CIMIP2A: variants seen among roughly 807,000 people sequenced by gnomAD.
CIMIP2A encodes the protein family with sequence similarity 166 member A.
chr9:137,244,957 C>G, the CIMIP2A span: 31 of 1,602,662 alleles, frequency 1.9e-5, 1 homozygote, highest in African/African-American at 4.0e-4. Context: ...CAGAGGAGGT[C>G]CCCCCAGGCC....
At chr9:137,247,766 C>T in the CIMIP2A span, 2 of 1,581,408 alleles carry the variant, frequency 1.3e-6, no homozygotes, top group East Asian at 4.5e-5. Context: ...GCATCCAGCT[C>T]CCTTCCCTGA....
the CIMIP2A span, chr9:137,244,463 C>A: frequency 1.3e-5 from 19 of 1,501,412 alleles, no homozygotes; most frequent in African/African-American, 1.5e-4. Context: ...GGGATCCAAG[C>A]AAGACTCAGG....
chr9:137,252,362 G>A, the CIMIP2A span: 12 of 1,481,320 alleles, frequency 8.1e-6, no homozygotes, highest in African/African-American at 2.8e-5. Context: ...GGTGGGAACC[G>A]GGAGACAGGT....
At chr9:137,244,298 CAG>C in the CIMIP2A span, 1 of 1,613,410 alleles carries the variant, frequency 6.2e-7, no homozygotes, top group African/African-American at 1.3e-5. Context: ...ACTGGGGAGA[CAG>C]GAAGGTGCTA....
At chr9:137,254,009 G>T in the CIMIP2A span, among the ~76,000 whole-genome samples, 1 of 150,792 alleles carries the variant, frequency 6.6e-6, no homozygotes, top group African/African-American at 2.5e-5. Context: ...AACTTCGCCT[G>T]GCTGGGGCCT....
chr9:137,244,277 T>C, the CIMIP2A span: 3 of 1,613,674 alleles, frequency 1.9e-6, no homozygotes, highest in Admixed American at 5.0e-5. Flanking sequence ...AGTGGGGGTT[T>C]CTAAACAGGA....
chr9:137,244,172 G>A, the CIMIP2A span: 248 of 1,613,758 alleles, frequency 1.5e-4, no homozygotes, highest in East Asian at 4.0e-3. Flanking sequence ...TCTACTCACC[G>A]GGGATGAACC....
At chr9:137,248,953 G>A in the CIMIP2A span, among the ~76,000 whole-genome samples, 29 of 151,484 alleles carry the variant, frequency 1.9e-4, no homozygotes, top group Non-Finnish European at 3.1e-4. Flanking sequence ...TCTGGTATCA[G>A]CATAAAAAGC....
At chr9:137,247,759 T>C in the CIMIP2A span, 4 of 1,591,252 alleles carry the variant, frequency 2.5e-6, no homozygotes, top group Admixed American at 5.0e-5. Context: ...CCTCCCGGCA[T>C]CCAGCTCCCT....
At chr9:137,252,361 C>G in the CIMIP2A span, 1 of 1,478,992 alleles carries the variant, frequency 6.8e-7, no homozygotes, top group Non-Finnish European at 9.3e-7. Flanking sequence ...GGGTGGGAAC[C>G]GGGAGACAGG....
chr9:137,245,670 G>A, the CIMIP2A span: 60 of 1,606,720 alleles, frequency 3.7e-5, no homozygotes, highest in Middle Eastern at 1.3e-3. Flanking sequence ...GCTCCGTCAG[G>A]TCTTGGCAGG....
At chr9:137,251,421 G>A in the CIMIP2A span, 4 of 1,562,800 alleles carry the variant, frequency 2.6e-6, no homozygotes, top group South Asian at 1.1e-5. Flanking sequence ...GGGGGAGAAG[G>A]GGCGGGCCAG....
chr9:137,245,645 A>T, the CIMIP2A span: 7 of 1,607,876 alleles, frequency 4.4e-6, no homozygotes, highest in African/African-American at 6.7e-5. Flanking sequence ...TCACTGGTGT[A>T]GTGGGGGATG....
the CIMIP2A span, chr9:137,245,242 T>C: frequency 6.4e-7 from 1 of 1,573,612 alleles, no homozygotes. Context: ...GAAGCGGAGG[T>C]CACGGTGCAG....
the CIMIP2A span, chr9:137,244,340 T>G: frequency 6.3e-7 from 1 of 1,597,386 alleles, no homozygotes; most frequent in Admixed American, 1.7e-5. Context: ...GGCAAACAGA[T>G]AGTCAAGTTG....
the CIMIP2A span, chr9:137,245,716 A>G: frequency 3.2e-5 from 52 of 1,603,452 alleles, no homozygotes; most frequent in Non-Finnish European, 4.0e-5. Flanking sequence ...GAAGTCCTCA[A>G]TGAACTTGGG....
the CIMIP2A span, chr9:137,252,217 C>A: frequency 6.5e-7 from 1 of 1,531,958 alleles, no homozygotes; most frequent in East Asian, 2.3e-5. Flanking sequence ...GTGCTGAAAC[C>A]CCCACGGCCT....
At chr9:137,243,785 A>G in the CIMIP2A span, 5 of 1,613,916 alleles carry the variant, frequency 3.1e-6, no homozygotes, top group South Asian at 1.1e-5. Context: ...GTTGTCCTGC[A>G]TGGCTGCGGG....
At chr9:137,250,823 G>A in the CIMIP2A span, 6 of 176,348 alleles carry the variant, frequency 3.4e-5, no homozygotes, top group Admixed American at 5.4e-5. Context: ...ATGGGGTGGC[G>A]GCTCCTCCTC....
Sources: gnomAD v4.1 joint callset for allele counts (sites outside exome capture counted in the v4.1 genomes callset) on GRCh38, gnomAD v4.1.1 for gene constraint, MANE v1.5 for transcripts, NCBI Gene and HGNC (gene_info 2026-07-23, HGNC 2026-07-21) for gene names.